The following STAG1 variants were observed in gnomAD, a reference collection of about 807,000 sequenced individuals.
The protein encoded by STAG1 is cohesin subunit SA-1.
In STAG1, 26 loss-of-function variants were observed where a neutral mutation model predicts 170.9. The observed-to-expected ratio is 0.15, with a 90% confidence interval of 0.11 to 0.21. The LOEUF (loss-of-function observed/expected upper bound fraction) is 0.21. Among genes scored for constraint, STAG1 ranks in the 10% least tolerant of loss-of-function variants. The pLI is 1.00. For missense variants in STAG1, 964 were observed against 1,509.5 expected, an observed-to-expected ratio of 0.64 and a Z score of 5.99; for synonymous variants, 514 against 497.7, an observed-to-expected ratio of 1.03 and a Z score of -0.44.
intron 21 of STAG1, among the ~76,000 whole-genome samples, chr3:136,408,682 A>G (rs1024889650): frequency 1.3e-5 from 2 of 152,164 alleles, no homozygotes; most frequent in African/African-American, 2.4e-5. Context: ...TATCCTCAGG[A>G]CTTGGCACTC....
chr3:136,627,822 GCTCT>G (rs1173615386), intron 2 of STAG1, among the ~76,000 whole-genome samples: 1 of 152,098 alleles, frequency 6.6e-6, no homozygotes, highest in Non-Finnish European at 1.5e-5. Context: ...GCTCCCTAGA[GCTCT>G]CTAAATTCTG....
chr3:136,656,617 T>TTGTGTGTGTGTGTGTGTGTGTG (rs71157397), intron 1 of STAG1, among the ~76,000 whole-genome samples: 5,397 of 143,286 alleles, frequency 0.038, 238 homozygotes, highest in African/African-American at 0.095. Flanking sequence ...CTGTATTTAT[T>TTGTGTGTGTGTGTGTGTGTGTG]TGTGTGTGTG....
At chr3:136,617,537 G>A (rs1195432432) in intron 3 of STAG1, among the ~76,000 whole-genome samples, 1 of 152,204 alleles carries the variant, frequency 6.6e-6, no homozygotes, top group East Asian at 1.9e-4. Flanking sequence ...AACCACTGGA[G>A]TCTGAATGTT....
intron 4 of STAG1, among the ~76,000 whole-genome samples, chr3:136,574,723 T>C (rs538041794): frequency 6.6e-6 from 1 of 152,320 alleles, no homozygotes; most frequent in South Asian, 2.1e-4. Flanking sequence ...TTCATAGCCA[T>C]GGCTGAAATT....
At chr3:136,674,168 A>C (rs1576748006) in intron 1 of STAG1, among the ~76,000 whole-genome samples, 1 of 12,064 alleles carries the variant, frequency 8.3e-5, no homozygotes. Context: ...GGAGGGAGGG[A>C]GGGAAGGAGG....
intron 1 of STAG1, among the ~76,000 whole-genome samples, chr3:136,643,163 T>C (rs1366651522): frequency 6.6e-6 from 1 of 152,222 alleles, no homozygotes; most frequent in Non-Finnish European, 1.5e-5. Flanking sequence ...AAATCACAAA[T>C]ACGACATCTC....
intron 9 of STAG1, among the ~76,000 whole-genome samples, chr3:136,487,109 G>A (rs576225823): frequency 1.1e-4 from 17 of 148,050 alleles, no homozygotes; most frequent in South Asian, 8.7e-4. Context: ...CTATTGACCC[G>A]TCCTCTAAGT....
At chr3:136,610,053 T>C (rs1324801167) in intron 3 of STAG1, among the ~76,000 whole-genome samples, 1 of 152,192 alleles carries the variant, frequency 6.6e-6, no homozygotes, top group Middle Eastern at 3.2e-3. Flanking sequence ...TTTCTTTTTT[T>C]GAGATGGAGT....
chr3:136,518,049 T>C (rs1235184519), intron 7 of STAG1: 1 of 211,594 alleles, frequency 4.7e-6, no homozygotes, highest in Non-Finnish European at 9.2e-6. Flanking sequence ...TATATAATGA[T>C]AAAAAAAACT....
intron 7 of STAG1, among the ~76,000 whole-genome samples, chr3:136,520,677 A>T (rs929112731): frequency 4.9e-4 from 75 of 152,284 alleles, no homozygotes; most frequent in Middle Eastern, 3.4e-3. Flanking sequence ...TTAGTTCTTC[A>T]AATTATCTAC....
chr3:136,589,212 A>G (rs767384463), intron 4 of STAG1, among the ~76,000 whole-genome samples: 165 of 152,110 alleles, frequency 1.1e-3, no homozygotes, highest in Non-Finnish European at 1.7e-3. Context: ...TAAAAAGCCA[A>G]TCAAGGCCGG....
chr3:136,360,862 G>T (rs1576388892), intron 26 of STAG1, among the ~76,000 whole-genome samples: 1 of 152,022 alleles, frequency 6.6e-6, no homozygotes, highest in South Asian at 2.1e-4. Flanking sequence ...TAGAGAGGGG[G>T]TTTCACCATG....
At chr3:136,598,841 G>A (rs903640360) in intron 4 of STAG1, among the ~76,000 whole-genome samples, 3 of 152,066 alleles carry the variant, frequency 2.0e-5, no homozygotes, top group African/African-American at 2.4e-5. Flanking sequence ...TAAAGAAAAC[G>A]ATCAGACATT....
intron 1 of STAG1, among the ~76,000 whole-genome samples, chr3:136,692,167 A>G (rs1011178095): frequency 6.6e-6 from 1 of 151,450 alleles, no homozygotes; most frequent in African/African-American, 2.4e-5. Context: ...TAGAAAAATT[A>G]GCCGGGCATG....
chr3:136,530,718 A>G (rs536055975), intron 6 of STAG1, among the ~76,000 whole-genome samples: 1 of 152,318 alleles, frequency 6.6e-6, no homozygotes, highest in East Asian at 1.9e-4. Context: ...GAAATAAATG[A>G]AAGTGGAAAC....
At chr3:136,412,035 C>T (rs902763457) in intron 21 of STAG1, among the ~76,000 whole-genome samples, 1 of 152,010 alleles carries the variant, frequency 6.6e-6, no homozygotes, top group Non-Finnish European at 1.5e-5. Context: ...AACAAACAAA[C>T]AAACAAACAA....
chr3:136,392,765 CAAAAAAA>C (rs71157377), intron 22 of STAG1, among the ~76,000 whole-genome samples: 1 of 93,560 alleles, frequency 1.1e-5, no homozygotes, highest in Admixed American at 1.2e-4. Context: ...GGCTCCGTCT[CAAAAAAA>C]AAAAAAAAAA....
intron 1 of STAG1, among the ~76,000 whole-genome samples, chr3:136,640,399 C>T (rs1202653770): frequency 1.9e-4 from 28 of 148,202 alleles, no homozygotes; most frequent in African/African-American, 6.7e-4. Context: ...GACGGAGTCT[C>T]GCTCTGTCGC....
chr3:136,522,568 T>C (rs996909065), intron 6 of STAG1, among the ~76,000 whole-genome samples: 1 of 152,146 alleles, frequency 6.6e-6, no homozygotes, highest in Non-Finnish European at 1.5e-5. Context: ...TTGTTTTTAA[T>C]TATAATTATT....
Sources: allele counts gnomAD v4.1 joint callset (sites outside exome capture counted in the v4.1 genomes callset), GRCh38; gene constraint gnomAD v4.1.1; transcripts MANE v1.5; gene names NCBI Gene and HGNC (gene_info 2026-07-23, HGNC 2026-07-21).